CUL1: variants seen among roughly 807,000 people sequenced by gnomAD.
The protein encoded by CUL1 is cullin 1.
In CUL1, 24 loss-of-function variants were observed where a neutral mutation model predicts 118.0. The ratio of observed to expected loss-of-function variants is 0.20; its 90% CI spans 0.15 to 0.29. The LOEUF (loss-of-function observed/expected upper bound fraction) is 0.29, where lower values mean the gene tolerates loss of function less well. Ranked by LOEUF, CUL1 falls within the 10% of genes least tolerant of loss-of-function variation. The pLI is 1.00. For missense variants in CUL1, 361 were observed against 933.8 expected (o/e 0.39, Z 7.99); for synonymous variants, 332 against 340.4 (o/e 0.98, Z 0.27).
chr7:148,795,223 G>A (rs2129463555), intron 17 of CUL1, among the ~76,000 whole-genome samples: 1 of 152,116 alleles, frequency 6.6e-6, no homozygotes, highest in South Asian at 2.1e-4. Context: ...ATAGCTCACT[G>A]CGGTATCAAA....
At chr7:148,738,025 T>G (rs745448126) in intron 2 of CUL1, among the ~76,000 whole-genome samples, 1 of 152,222 alleles carries the variant, frequency 6.6e-6, no homozygotes, top group Non-Finnish European at 1.5e-5. Flanking sequence ...TAGGAAGTGA[T>G]TCTGTTCTGT....
At chr7:148,780,128 T>C (rs1414649670) in intron 9 of CUL1, among the ~76,000 whole-genome samples, 2 of 148,608 alleles carry the variant, frequency 1.3e-5, no homozygotes. Flanking sequence ...TATATATATC[T>C]CCTGTTAGTT....
chr7:148,767,012 TGAG>T (rs1204354692), intron 8 of CUL1, among the ~76,000 whole-genome samples: 4 of 152,182 alleles, frequency 2.6e-5, no homozygotes, highest in East Asian at 3.9e-4. Context: ...TTCTCTGAGA[TGAG>T]GAGACTGTCA....
At chr7:148,725,393 C>G (rs1798545526) in intron 1 of CUL1, among the ~76,000 whole-genome samples, 1 of 152,246 alleles carries the variant, frequency 6.6e-6, no homozygotes, top group Non-Finnish European at 1.5e-5. Flanking sequence ...GCCTCAGCTG[C>G]AGAGCTGCCT....
intron 1 of CUL1, among the ~76,000 whole-genome samples, chr7:148,706,684 G>A (rs1018703289): frequency 1.3e-5 from 2 of 149,754 alleles, no homozygotes; most frequent in African/African-American, 2.5e-5. Flanking sequence ...GGGTGGGGGC[G>A]GCGGGGGGCG....
intron 9 of CUL1, among the ~76,000 whole-genome samples, chr7:148,769,024 C>A (rs538707328): frequency 1.4e-4 from 21 of 152,068 alleles, no homozygotes; most frequent in Non-Finnish European, 2.4e-4. Flanking sequence ...AACTTAAGTA[C>A]AGAGTCCTCA....
At chr7:148,740,058 C>CT (rs200881202) in intron 2 of CUL1, among the ~76,000 whole-genome samples, 45,179 of 143,224 alleles carry the variant, frequency 0.32, 7,579 homozygotes, top group South Asian at 0.48. Flanking sequence ...TTTTTAATGG[C>CT]TTTTTTTTTT....
rs559163857 is a variant in CUL1, at chr7:148,732,639, T to C, written c.140+2377T>C. Reference sequence around the variant, plus strand: ...CAGGTGTGAGCCACCACGTCCAGCCTTGGGAATTTCTTAATGTGTTCTTTT... The same window carrying C: ...CAGGTGTGAGCCACCACGTCCAGCCCTGGGAATTTCTTAATGTGTTCTTTT... On this transcript the variant is annotated intron_variant, in intron 2 of 21. Coordinates refer to ENST00000325222, the MANE Select transcript of CUL1 (RefSeq NM_003592.3). Among the ~76,000 whole-genome samples the C allele has an allele frequency of 5.3e-5, 8 of 152,164 alleles. No individual in the cohort carries two copies. In the East Asian group the frequency reaches 1.5e-3, roughly 29 times the overall value.
chr7:148,776,752 T>C (rs922139606), intron 9 of CUL1, among the ~76,000 whole-genome samples: 48 of 152,294 alleles, frequency 3.2e-4, no homozygotes, highest in African/African-American at 1.1e-3. Context: ...ATCAACTAAA[T>C]TGTAGTTTAA....
intron 1 of CUL1, among the ~76,000 whole-genome samples, chr7:148,725,330 C>T (rs1261803241): frequency 1.3e-5 from 2 of 152,344 alleles, no homozygotes; most frequent in East Asian, 1.9e-4. Context: ...ACAGGTGACA[C>T]ACCCAGATGC....
chr7:148,766,298 A>T (rs1584800739), intron 7 of CUL1, among the ~76,000 whole-genome samples: 1 of 148,638 alleles, frequency 6.7e-6, no homozygotes, highest in Non-Finnish European at 1.5e-5. Context: ...CACCTGGCTA[A>T]TTTTTTTTTT....
intron 16 of CUL1, among the ~76,000 whole-genome samples, chr7:148,792,148 T>C (rs1451898766): frequency 6.6e-6 from 1 of 151,124 alleles, no homozygotes; most frequent in African/African-American, 2.4e-5. Flanking sequence ...ATTGTGCCAC[T>C]GCACTCCAGC....
intron 7 of CUL1, among the ~76,000 whole-genome samples, chr7:148,765,212 A>G (rs1008777450): frequency 1.3e-5 from 2 of 152,150 alleles, no homozygotes; most frequent in South Asian, 2.1e-4. Flanking sequence ...TTGTCCCATT[A>G]TTATTAGTTC....
At chr7:148,716,547 A>G (rs1408779109) in intron 1 of CUL1, among the ~76,000 whole-genome samples, 2 of 152,080 alleles carry the variant, frequency 1.3e-5, no homozygotes, top group African/African-American at 2.4e-5. Flanking sequence ...TCTCACTTCC[A>G]CCCTTCTCCC....
intron 2 of CUL1, among the ~76,000 whole-genome samples, chr7:148,745,773 T>G (rs944366093): frequency 6.6e-6 from 1 of 150,522 alleles, no homozygotes; most frequent in Non-Finnish European, 1.5e-5. Context: ...AAGAACTAAC[T>G]CTAGAAACAG....
chr7:148,717,763 G>A (rs1221251348), intron 1 of CUL1, among the ~76,000 whole-genome samples: 1 of 152,026 alleles, frequency 6.6e-6, no homozygotes, highest in African/African-American at 2.4e-5. Flanking sequence ...CTCTACTGCT[G>A]TTCAAATCCT....
At chr7:148,799,178 A>ACCCTCTAAC in intron 20 of CUL1, 97 bp from the exon 21 acceptor site, 1 of 816,486 alleles carries the variant, frequency 1.2e-6, no homozygotes, top group Non-Finnish European at 2.0e-6. Context: ...GATCCTGTGC[A>ACCCTCTAAC]TAGGCGTCGG....
intron 7 of CUL1, 112 bp from the exon 8 acceptor site, chr7:148,766,449 G>A: frequency 1.1e-6 from 1 of 896,272 alleles, no homozygotes; most frequent in Non-Finnish European, 1.7e-6. Context: ...ATTAGAGCTG[G>A]CATGTGAATT....
intron 3 of CUL1, 125 bp from the exon 4 acceptor site, chr7:148,756,853 ATAATT>A (rs558451315): frequency 0.013 from 6,713 of 500,408 alleles, 64 homozygotes; most frequent in Non-Finnish European, 0.018. Context: ...TGTATACAGA[ATAATT>A]TAAAGAAGCC....
Sources: allele counts gnomAD v4.1 joint callset (sites outside exome capture counted in the v4.1 genomes callset), GRCh38; gene constraint gnomAD v4.1.1; transcripts MANE v1.5; gene names NCBI Gene and HGNC (gene_info 2026-07-23, HGNC 2026-07-21).